The following CDKN2AIPNL variants were observed in gnomAD, a reference collection of about 807,000 sequenced individuals.
CDKN2AIPNL encodes XRN2 binding domain containing 1, also known as CDKN2AIP N-terminal-like protein.
A neutral mutation model predicts 12.9 loss-of-function variants in CDKN2AIPNL; 9 were observed. That is an observed-to-expected ratio of 0.70 (90% CI 0.42 to 1.22). The LOEUF (loss-of-function observed/expected upper bound fraction) is 1.22, where lower values mean the gene tolerates loss of function less well. Among genes scored for constraint, CDKN2AIPNL ranks in the 50% most tolerant of loss-of-function variants. The pLI, the probability that CDKN2AIPNL is intolerant of heterozygous loss-of-function variation, is 0.00. For missense variants in CDKN2AIPNL, 143 were observed against 153.6 expected, an observed-to-expected ratio of 0.93 and a Z score of 0.37; for synonymous variants, 53 against 61.7, an observed-to-expected ratio of 0.86 and a Z score of 0.66.
intron 1 of CDKN2AIPNL, chr5:134,410,852 CA>C: frequency 1.7e-6 from 1 of 601,966 alleles, no homozygotes; most frequent in Non-Finnish European, 3.0e-6. Context: ...ATTTTCCTAA[CA>C]CAATTTCAGG....
chr5:134,406,322 T>G (rs1376560000), intron 2 of CDKN2AIPNL, among the ~76,000 whole-genome samples: 1 of 152,216 alleles, frequency 6.6e-6, no homozygotes, highest in African/African-American at 2.4e-5. Flanking sequence ...AACTCTAATT[T>G]TTTAGCTAAA....
chr5:134,410,052 T>C, intron 1 of CDKN2AIPNL, 50 bp from the exon 2 acceptor site: 1 of 1,313,676 alleles, frequency 7.6e-7, no homozygotes, highest in Non-Finnish European at 1.1e-6. Context: ...ATTGTCACTG[T>C]GGATTAATAA....
intron 2 of CDKN2AIPNL, among the ~76,000 whole-genome samples, chr5:134,409,538 A>G (rs1759159889): frequency 6.6e-6 from 1 of 152,126 alleles, no homozygotes; most frequent in Non-Finnish European, 1.5e-5. Flanking sequence ...CGGCACTCAC[A>G]CCGGCACTCA....
chr5:134,407,705 C>T (rs1219923032), intron 2 of CDKN2AIPNL, among the ~76,000 whole-genome samples: 1 of 148,944 alleles, frequency 6.7e-6, no homozygotes, highest in Non-Finnish European at 1.5e-5. Flanking sequence ...ACTCGCGAGG[C>T]AGAGGTTGCA....
intron 2 of CDKN2AIPNL, among the ~76,000 whole-genome samples, chr5:134,407,922 G>A (rs572405377): frequency 1.3e-5 from 2 of 152,240 alleles, no homozygotes; most frequent in East Asian, 3.9e-4. Flanking sequence ...CTTGAGGCCA[G>A]GAGTTCAAGA....
chr5:134,407,064 C>T (rs1581334563), intron 2 of CDKN2AIPNL, among the ~76,000 whole-genome samples: 1 of 152,140 alleles, frequency 6.6e-6, no homozygotes, highest in Admixed American at 6.6e-5. Flanking sequence ...TAGGCTTCTT[C>T]CACATAGCTA....
intron 2 of CDKN2AIPNL, among the ~76,000 whole-genome samples, chr5:134,408,541 TG>T (rs1759141953): frequency 7.3e-6 from 1 of 137,678 alleles, no homozygotes; most frequent in South Asian, 2.3e-4. Flanking sequence ...AAAAATTGGC[TG>T]GGCGTGGTGG....
chr5:134,409,958 C>T lies in CDKN2AIPNL; in HGVS notation c.284G>A (p.Gly95Glu), dbSNP rs775968607. Residue 95 changes from glycine (G) to glutamate (E), a missense_variant, in exon 2 of 3, where the codon GGG becomes GAG. Gly to Glu is a moderately conservative substitution (Grantham distance 98). Around this residue, in one of 3 missense-constraint regions of CDKN2AIPNL, gnomAD observed 111 missense variants for 111.4 expected, o/e 1.00. Transcript: ENST00000458198. ...LLDKVMEMAD[G>E]IEVEDLPQFT... The stretch of plus-strand genomic sequence containing the variant: ...TTGTGGCAGGTCTTCCACTTCAATC[C>T]CATCGGCCATTTCCATCACCTTGTC... The T allele has an allele frequency of 2.5e-6, 4 of 1,612,830 alleles. No individual in the cohort carries two copies. The highest frequency in any genetic ancestry group is 2.7e-5 in the African/African-American group (2 of 74,870).
intron 2 of CDKN2AIPNL, among the ~76,000 whole-genome samples, chr5:134,405,877 T>C (rs533205209): frequency 3.9e-4 from 59 of 152,362 alleles, no homozygotes; most frequent in African/African-American, 1.3e-3. Flanking sequence ...CTTGGAAATA[T>C]TAATTCTGAC....
intron 2 of CDKN2AIPNL, among the ~76,000 whole-genome samples, chr5:134,404,263 C>T (rs1440719397): frequency 6.6e-6 from 1 of 152,128 alleles, no homozygotes; most frequent in African/African-American, 2.4e-5. Flanking sequence ...AGACAAGTAG[C>T]TCCAATGAGC....
At chr5:134,409,016 G>T (rs1404376918) in intron 2 of CDKN2AIPNL, among the ~76,000 whole-genome samples, 2 of 152,106 alleles carry the variant, frequency 1.3e-5, no homozygotes, top group African/African-American at 4.8e-5. Flanking sequence ...GTGGAGGAAT[G>T]GGCTTACCTA....
rs560653021 is a variant in CDKN2AIPNL, at chr5:134,410,281, G to A, written c.240-279C>T. On this transcript the variant is annotated intron_variant, in intron 1 of 2. Coordinates refer to ENST00000458198, the MANE Select transcript of CDKN2AIPNL (RefSeq NM_080656.3). Reference sequence around the variant, plus strand: ...CTCCCGAGTAGCTGGGATTACAGGCGTGTGCCACCACGCCTGGCTAATTTT... The same window carrying A: ...CTCCCGAGTAGCTGGGATTACAGGCATGTGCCACCACGCCTGGCTAATTTT... Among the ~76,000 whole-genome samples, 188 of 152,172 alleles carry A rather than the reference G, an allele frequency of 1.2e-3. 2 individuals are homozygous for A. The highest frequency in any genetic ancestry group is 1.9e-4 in the East Asian group (1 of 5,180).
At chr5:134,411,572 C>T in intron 1 of CDKN2AIPNL, 44 bp downstream of exon 1, 1 of 1,548,396 alleles carries the variant, frequency 6.5e-7, no homozygotes, top group Non-Finnish European at 8.9e-7. Flanking sequence ...CCTTGAGGGT[C>T]GGAAGATAGG....
intron 2 of CDKN2AIPNL, among the ~76,000 whole-genome samples, chr5:134,404,020 G>T (rs780862559): frequency 3.2e-4 from 49 of 152,154 alleles, no homozygotes; most frequent in Non-Finnish European, 5.9e-4. Flanking sequence ...ATTACCTAAA[G>T]AAACCATCTT....
At chr5:134,405,296 G>A (rs1460051126) in intron 2 of CDKN2AIPNL, among the ~76,000 whole-genome samples, 2 of 150,274 alleles carry the variant, frequency 1.3e-5, no homozygotes, top group African/African-American at 4.9e-5. Flanking sequence ...TAGTAGAGAC[G>A]GGGTTTCACC....
In CDKN2AIPNL at chr5:134,411,786, G is replaced by A; in HGVS notation, c.69C>T (p.Phe23=). Residue 23 remains phenylalanine, a synonymous_variant, in exon 1 of 3, where the codon TTC becomes TTT. Coordinates refer to ENST00000458198, the MANE Select transcript of CDKN2AIPNL (RefSeq NM_080656.3). The stretch of plus-strand genomic sequence containing the variant: ...CTGAGTAGGAGCGGAACTGCTCCGC[G>A]AAGTCGGCCGCCTGCCGCACCCCCG... ...LVSGVRQAAD[F]AEQFRSYSES... 1 of 1,601,506 alleles carries A rather than the reference G, an allele frequency of 6.2e-7. No individual in the cohort carries two copies. Among genetic ancestry groups the A allele is most frequent in the Non-Finnish European group, 8.5e-7 (1 of 1,175,502 alleles).
chr5:134,408,180 C>T (rs939781498), intron 2 of CDKN2AIPNL, among the ~76,000 whole-genome samples: 1 of 151,998 alleles, frequency 6.6e-6, no homozygotes, highest in African/African-American at 2.4e-5. Flanking sequence ...CTACCTCTGC[C>T]CCTGCCCCTG....
rs1291159264 is a variant in CDKN2AIPNL, at chr5:134,411,675, G to T, written c.180C>A (p.Arg60=). The change falls in exon 1 of 3, where the codon CGC becomes CGA. Residue 60 remains arginine, a synonymous_variant. Coordinates refer to ENST00000458198, the MANE Select transcript of CDKN2AIPNL (RefSeq NM_080656.3). ...DYRDPPDGSG[R]LDQLLSLSMV... ...TGGAGAGGGAGAGCAGCTGGTCCAG[G>T]CGGCCACTGCCGTCGGGCGGGTCGC... is the stretch of plus-strand genomic sequence containing the variant. The T allele has an allele frequency of 6.2e-7, 1 of 1,612,984 alleles. No individual in the cohort carries two copies. The highest frequency in any genetic ancestry group is 1.3e-5 in the African/African-American group (1 of 74,908).
At position 134,402,642 on chromosome 5, in the gene CDKN2AIPNL, C is replaced by G. The variant is rs540709121; in HGVS notation, c.*273G>C. 189 of 308,588 alleles carry G rather than the reference C, an allele frequency of 6.1e-4. No individual in the cohort carries two copies. Among genetic ancestry groups the G allele is most frequent in the Non-Finnish European group, 8.5e-4 (146 of 172,592 alleles). 19.1% of individuals were successfully genotyped at this position (308,588 alleles called of 1,614,324 possible). A position where few individuals can be genotyped will look rare whatever the true frequency, so the allele number is the denominator to read the frequency against. ...GATAAGAAAAAAAAAAACCTGAAAA[C>G]AGAAAAGAGGGCTTTTACAATGTTG... On this transcript the variant is annotated 3_prime_UTR_variant, in exon 3 of 3. Coordinates refer to ENST00000458198, the MANE Select transcript of CDKN2AIPNL (RefSeq NM_080656.3).
Sources: gnomAD v4.1 joint callset for allele counts (sites outside exome capture counted in the v4.1 genomes callset) on GRCh38, gnomAD v4.1.1 for gene constraint, gnomAD v4.1.1 regional missense constraint, MANE v1.5 for transcripts, NCBI Gene and HGNC (gene_info 2026-07-23, HGNC 2026-07-21) for gene names.